Variants in BPIFB3 observed in about 807,000 individuals in gnomAD.
The protein encoded by BPIFB3 is BPI fold containing family B member 3, also known as BPI fold-containing family B member 3.
A neutral mutation model predicts 53.1 loss-of-function variants in BPIFB3; 49 were observed. That is an observed-to-expected ratio of 0.92 (90% CI 0.73 to 1.17). BPIFB3 has a LOEUF of 1.17. Among genes scored for constraint, BPIFB3 ranks in the 50% most tolerant of loss-of-function variants. BPIFB3 has a pLI of 0.00. For missense variants in BPIFB3, 628 were observed against 592.5 expected (o/e 1.06, Z -0.62); for synonymous variants, 271 against 269.6 (o/e 1.01, Z -0.05).
intron 5 of BPIFB3, 119 bp downstream of exon 6, chr20:33,061,950 A>C: frequency 8.4e-7 from 1 of 1,197,358 alleles, no homozygotes. Flanking sequence ...TTCCACACCC[A>C]CCTGGTAATC....
At chr20:33,071,147 G>A (rs941911222) in intron 11 of BPIFB3, 106 bp from the exon 13 acceptor site, 1 of 1,111,956 alleles carries the variant, frequency 9.0e-7, no homozygotes, top group Non-Finnish European at 1.3e-6. Context: ...GTGTTGGGCT[G>A]GTAATCCTGT....
chr20:33,059,700 A>C (rs377448593), intron 3 of BPIFB3, among the ~76,000 whole-genome samples, 191 bp from the exon 5 acceptor site: 2 of 151,668 alleles, frequency 1.3e-5, no homozygotes, highest in East Asian at 3.9e-4. Context: ...CTTCCTCCAG[A>C]CCCGGACCCC....
At chr20:33,068,713 A>G (rs2146390463) in intron 9 of BPIFB3, 90 bp from the exon 11 acceptor site, 1 of 1,359,884 alleles carries the variant, frequency 7.4e-7, no homozygotes, top group Admixed American at 2.0e-5. Context: ...CACGTTGCCC[A>G]GTGCCTGGTA....
chr20:33,054,134 C>A (rs546356362), upstream of BPIFB3, among the ~76,000 whole-genome samples: 1 of 152,072 alleles, frequency 6.6e-6, no homozygotes, highest in South Asian at 2.1e-4. Context: ...GATCTGGGGC[C>A]CAGAGAGAGG....
chr20:33,056,228 C>T (rs937924540), intron 1 of BPIFB3, among the ~76,000 whole-genome samples: 2 of 152,206 alleles, frequency 1.3e-5, no homozygotes, highest in African/African-American at 2.4e-5. Context: ...TGACTTTGGA[C>T]ACGTCTCTGC....
At position 33,060,086 on chromosome 20, in the gene BPIFB3, C is replaced by T. The variant is rs1389591767; in HGVS notation, c.527+55C>T. The T allele has an allele frequency of 3.2e-6, 5 of 1,581,900 alleles. No homozygotes were observed. The African/African-American group carries it at 4.0e-5, about 13-fold the overall frequency. The stretch of plus-strand genomic sequence containing the variant: ...TGACCCGCTCAGGATCATCTCGCAC[C>T]CATCTGGGCATCTCCCAGGTCTCCC... On this transcript the variant is annotated intron_variant, in intron 4 of 14. Coordinates refer to ENST00000375494, the Ensembl canonical transcript of BPIFB3.
chr20:33,070,278 A>G (rs1054292109), intron 11 of BPIFB3, among the ~76,000 whole-genome samples: 45 of 152,166 alleles, frequency 3.0e-4, no homozygotes, highest in African/African-American at 1.1e-3. Flanking sequence ...GAGGCTAACC[A>G]AGAGACAACC....
At position 33,069,958 on chromosome 20, in the gene BPIFB3, A is replaced by G; in HGVS notation, c.1217+3A>G. On this transcript the variant is annotated splice_donor_region_variant and intron_variant, in intron 11 of 14. Coordinates refer to ENST00000375494, the Ensembl canonical transcript of BPIFB3. ...CACATCTCCCTGTCCCTGGAACGGT[A>G]ACTTGGGATCCTGGGGACAGGATCT... The G allele has an allele frequency of 1.2e-6, 2 of 1,614,084 alleles. No individual in the cohort carries two copies. Among genetic ancestry groups the G allele is most frequent in the Non-Finnish European group, 1.7e-6 (2 of 1,179,962 alleles).
intron 2 of BPIFB3, among the ~76,000 whole-genome samples, chr20:33,058,965 A>C (rs954285457): frequency 6.6e-6 from 1 of 152,132 alleles, no homozygotes; most frequent in African/African-American, 2.4e-5. Context: ...GTCGTGTTTG[A>C]GAACCCACTC....
chr20:33,073,528 G>A, intron 14 of BPIFB3, 48 bp from the exon 16 acceptor site: 1 of 1,609,390 alleles, frequency 6.2e-7, no homozygotes. Context: ...CAGGGATGGG[G>A]CATTGCAGAG....
chr20:33,056,483 A>G (rs1980209583), intron 1 of BPIFB3, 59 bp from the exon 3 acceptor site: 11 of 1,591,180 alleles, frequency 6.9e-6, no homozygotes, highest in African/African-American at 1.3e-5. Context: ...GGCAGCTGCC[A>G]TGGTCCTGGG....
chr20:33,071,952 G>C, intron 12 of BPIFB3, 152 bp from the exon 14 acceptor site: 1 of 724,856 alleles, frequency 1.4e-6, no homozygotes, highest in Non-Finnish European at 2.4e-6. Context: ...CCACCCCCAA[G>C]TGCCCAGTGC....
chr20:33,071,726 C>A (rs913108973), intron 12 of BPIFB3, among the ~76,000 whole-genome samples: 1 of 152,156 alleles, frequency 6.6e-6, no homozygotes, highest in Admixed American at 6.5e-5. Flanking sequence ...GGCTCAGGTT[C>A]TAGAACATTC....
chr20:33,068,160 A>C (rs968853716), intron 9 of BPIFB3, among the ~76,000 whole-genome samples: 1 of 152,226 alleles, frequency 6.6e-6, no homozygotes, highest in African/African-American at 2.4e-5. Context: ...AGGAGAGAAA[A>C]GCTTCTGCAC....
At chr20:33,057,548 A>G (rs1980266788) in intron 2 of BPIFB3, among the ~76,000 whole-genome samples, 1 of 152,222 alleles carries the variant, frequency 6.6e-6, no homozygotes, top group South Asian at 2.1e-4. Context: ...GGCCCCTCAC[A>G]CAGGATTCCA....
chr20:33,063,591 G>A (rs1430129806), intron 5 of BPIFB3, 24 bp from the exon 7 acceptor site: 1 of 1,609,328 alleles, frequency 6.2e-7, no homozygotes, highest in East Asian at 2.2e-5. Context: ...TCTTTGCCCT[G>A]TAACATGTGT....
intron 5 of BPIFB3, 129 bp from the exon 7 acceptor site, chr20:33,063,485 TG>T: frequency 1.2e-5 from 11 of 945,316 alleles, no homozygotes; most frequent in Non-Finnish European, 1.7e-5. Context: ...GTCTTCTGTC[TG>T]TCTCTGCCTT....
At chr20:33,055,301 G>A, upstream of BPIFB3, 3 of 1,441,532 alleles carry the variant, frequency 2.1e-6, no homozygotes, top group Non-Finnish European at 2.8e-6. Flanking sequence ...TTTCCTGGGA[G>A]TGAAGCTCAA....
intron 14 of BPIFB3, 76 bp downstream of exon 15, chr20:33,072,869 G>C: frequency 8.0e-7 from 1 of 1,248,394 alleles, no homozygotes; most frequent in Non-Finnish European, 1.2e-6. Flanking sequence ...AACTAATGAG[G>C]GGAATGCTTT....
Sources: allele counts gnomAD v4.1 joint callset (sites outside exome capture counted in the v4.1 genomes callset), GRCh38; gene constraint gnomAD v4.1.1; transcripts MANE v1.5; gene names NCBI Gene and HGNC (gene_info 2026-07-23, HGNC 2026-07-21).